Variants in OR1L8 observed in about 807,000 individuals in gnomAD.
The protein encoded by OR1L8 is olfactory receptor family 1 subfamily L member 8.
For synonymous variants in OR1L8, 148 were observed against 147.0 expected (o/e 1.01, Z -0.05); for missense variants, 330 against 377.4 (o/e 0.87, Z 1.04).
At chr9:122,565,100 G>A (rs1401752146), downstream of OR1L8, among the ~76,000 whole-genome samples, 1 of 152,182 alleles carries the variant, frequency 6.6e-6, no homozygotes, top group Non-Finnish European at 1.5e-5. Flanking sequence ...CCCTTTTAAG[G>A]TGAAGGATAG....
chr9:122,578,245 T>C (rs1254235253), intron 2 of OR1L8, 79 bp downstream of exon 2: 1 of 152,014 alleles, frequency 6.6e-6, no homozygotes, highest in African/African-American at 2.4e-5. Context: ...GGTCAGGAGT[T>C]TGAGACCAGC....
rs1451791019 is a variant in OR1L8, at chr9:122,580,704, GTTGTA to G, written c.-599-2264_-599-2260del. Among the ~76,000 whole-genome samples the G allele has an allele frequency of 1.1e-4, 16 of 151,944 alleles. No homozygotes were observed. The South Asian group carries it at 1.9e-3, about 18-fold the overall frequency. On this transcript the variant is annotated intron_variant, in intron 1 of 4. Coordinates refer to ENST00000641027, the MANE Select transcript of OR1L8 (RefSeq NM_001004454.2). ...ATCCTCCATTAATAAAAGAATGGTT[GTTGTA>G]TTGTATTATGAGGGAATTAAAAGTG...
At chr9:122,569,325 T>G (rs1442643437) in intron 4 of OR1L8, among the ~76,000 whole-genome samples, 1 of 152,160 alleles carries the variant, frequency 6.6e-6, no homozygotes, top group Non-Finnish European at 1.5e-5. Context: ...ATTTATCTTT[T>G]ACGTGTTAAA....
chr9:122,558,730 ATTTG>A, the OR1L8 span, among the ~76,000 whole-genome samples: 1 of 151,730 alleles, frequency 6.6e-6, no homozygotes, highest in Admixed American at 6.6e-5. Context: ...TTTCATACAA[ATTTG>A]TCCTTTAAGA....
At chr9:122,548,125 A>AT in the OR1L8 span, among the ~76,000 whole-genome samples, 1 of 152,178 alleles carries the variant, frequency 6.6e-6, no homozygotes, top group East Asian at 1.9e-4. Flanking sequence ...AATTTATTTA[A>AT]TACAAGTTTT....
downstream of OR1L8, among the ~76,000 whole-genome samples, chr9:122,563,880 A>G (rs904003377): frequency 6.6e-6 from 1 of 152,160 alleles, no homozygotes; most frequent in Admixed American, 6.5e-5. Flanking sequence ...GCTTTTCCCA[A>G]TGTGTATTCT....
chr9:122,571,339 C>T (rs1170811788), intron 4 of OR1L8, among the ~76,000 whole-genome samples: 2 of 152,024 alleles, frequency 1.3e-5, no homozygotes, highest in Admixed American at 6.6e-5. Context: ...ATCACAAGGT[C>T]AGGAGATTGG....
the OR1L8 span, among the ~76,000 whole-genome samples, chr9:122,547,195 C>T: frequency 1.3e-5 from 2 of 151,920 alleles, no homozygotes; most frequent in African/African-American, 2.4e-5. Flanking sequence ...AAATACTTTA[C>T]TTTGTTTTAT....
At chr9:122,546,635 CT>C in the OR1L8 span, among the ~76,000 whole-genome samples, 1 of 152,136 alleles carries the variant, frequency 6.6e-6, no homozygotes, top group Admixed American at 6.6e-5. Flanking sequence ...TCTTCTTTCA[CT>C]TTACCACAAT....
chr9:122,580,062 C>T (rs1455123029), intron 1 of OR1L8, among the ~76,000 whole-genome samples: 1 of 152,150 alleles, frequency 6.6e-6, no homozygotes, highest in Non-Finnish European at 1.5e-5. Flanking sequence ...TCCTGTCTCT[C>T]ACTAACTGGG....
At chr9:122,550,406 G>T in the OR1L8 span, among the ~76,000 whole-genome samples, 1 of 151,964 alleles carries the variant, frequency 6.6e-6, no homozygotes, top group African/African-American at 2.4e-5. Context: ...CTACAAAGCA[G>T]GTATCACCTG....
chr9:122,549,739 T>TCAAAGAATAAATTTAAGGG, the OR1L8 span, among the ~76,000 whole-genome samples: 1 of 152,206 alleles, frequency 6.6e-6, no homozygotes, highest in East Asian at 1.9e-4. Context: ...TTTATACTAG[T>TCAAAGAATAAATTTAAGGG]ACCATGTTGT....
chr9:122,570,630 C>T (rs149915553), intron 4 of OR1L8, among the ~76,000 whole-genome samples: 3 of 152,116 alleles, frequency 2.0e-5, no homozygotes, highest in Admixed American at 2.0e-4. Context: ...ACAAGCTGTT[C>T]CCCAGCCACC....
At chr9:122,580,623 G>A (rs932170501) in intron 1 of OR1L8, among the ~76,000 whole-genome samples, 1 of 152,068 alleles carries the variant, frequency 6.6e-6, no homozygotes, top group African/African-American at 2.4e-5. Flanking sequence ...AAAGGCAAAG[G>A]TTTCAATGAC....
downstream of OR1L8, among the ~76,000 whole-genome samples, chr9:122,563,150 C>T (rs1829378045): frequency 1.3e-5 from 2 of 150,532 alleles, no homozygotes; most frequent in Non-Finnish European, 2.9e-5. Context: ...TGTATAAGTG[C>T]TCCCCTTTCT....
chr9:122,569,801 A>G (rs1438832449), intron 4 of OR1L8, among the ~76,000 whole-genome samples: 2 of 151,992 alleles, frequency 1.3e-5, no homozygotes, highest in African/African-American at 4.8e-5. Flanking sequence ...TTAGCATTAG[A>G]TATATCTCCT....
At chr9:122,581,622 C>G (rs1479351628) in intron 1 of OR1L8, among the ~76,000 whole-genome samples, 1 of 148,684 alleles carries the variant, frequency 6.7e-6, no homozygotes, top group Non-Finnish European at 1.5e-5. Context: ...TGTGAATTCA[C>G]AGAGGTAAGC....
chr9:122,570,734 A>T (rs1829532410), intron 4 of OR1L8, among the ~76,000 whole-genome samples: 1 of 152,192 alleles, frequency 6.6e-6, no homozygotes, highest in Non-Finnish European at 1.5e-5. Context: ...TGTCTCTCAG[A>T]TTAATTTTAT....
the OR1L8 span, among the ~76,000 whole-genome samples, chr9:122,556,758 CCT>C: frequency 6.6e-6 from 1 of 152,132 alleles, no homozygotes; most frequent in Non-Finnish European, 1.5e-5. Flanking sequence ...GAGTCTTTTG[CCT>C]CTCTGCATTT....
Sources: allele counts gnomAD v4.1 joint callset (sites outside exome capture counted in the v4.1 genomes callset), GRCh38; gene constraint gnomAD v4.1.1; transcripts MANE v1.5; gene names NCBI Gene and HGNC (gene_info 2026-07-23, HGNC 2026-07-21).